LRRC4C: variants seen among roughly 807,000 people sequenced by gnomAD.
The protein encoded by LRRC4C is leucine rich repeat containing 4C.
LRRC4C carries 5 observed loss-of-function variants against 33.6 expected under a neutral mutation model. That is an observed-to-expected ratio of 0.15 (90% CI 0.08 to 0.31). The LOEUF is 0.31. Among genes scored for constraint, LRRC4C ranks in the 10% least tolerant of loss-of-function variants. The pLI is 1.00. For synonymous variants in LRRC4C, 329 were observed against 302.0 expected (o/e 1.09, Z -0.93); for missense variants, 560 against 796.7 (o/e 0.70, Z 3.58).
intron 3 of LRRC4C, among the ~76,000 whole-genome samples, chr11:40,347,920 T>C (rs1947208913): frequency 6.6e-6 from 1 of 152,186 alleles, no homozygotes; most frequent in African/African-American, 2.4e-5. Context: ...TTTGAAAACA[T>C]TTTAAAGGGC....
intron 5 of LRRC4C, among the ~76,000 whole-genome samples, chr11:40,179,536 C>T (rs1291139610): frequency 6.6e-6 from 1 of 152,218 alleles, no homozygotes; most frequent in East Asian, 1.9e-4. Context: ...AGTTTCTTGG[C>T]CTCCTTTGCT....
At chr11:41,199,964 C>T (rs954991607) in intron 1 of LRRC4C, among the ~76,000 whole-genome samples, 7 of 152,232 alleles carry the variant, frequency 4.6e-5, no homozygotes, top group Admixed American at 1.3e-4. Flanking sequence ...TGCTCAAGAT[C>T]ATACAGCTCG....
chr11:40,532,594 T>C (rs1401646826), intron 3 of LRRC4C, among the ~76,000 whole-genome samples: 1 of 151,778 alleles, frequency 6.6e-6, no homozygotes, highest in African/African-American at 2.4e-5. Context: ...GGATATCTAG[T>C]GTCATGTAAG....
intron 1 of LRRC4C, among the ~76,000 whole-genome samples, chr11:41,174,435 A>G (rs1044497691): frequency 6.6e-6 from 1 of 152,174 alleles, no homozygotes; most frequent in South Asian, 2.1e-4. Flanking sequence ...GAATGAATAT[A>G]TAATTTATAT....
At chr11:40,138,392 A>C (rs1354244645) in intron 6 of LRRC4C, among the ~76,000 whole-genome samples, 1 of 152,146 alleles carries the variant, frequency 6.6e-6, no homozygotes, top group Non-Finnish European at 1.5e-5. Context: ...GCTGAATGAG[A>C]TATTCTCTTG....
chr11:40,621,951 T>G (rs1043193571), intron 3 of LRRC4C, among the ~76,000 whole-genome samples: 1 of 151,782 alleles, frequency 6.6e-6, no homozygotes. Flanking sequence ...ACAACTGGGA[T>G]GGAGAGCTGG....
chr11:40,179,830 G>T (rs1860835087), intron 5 of LRRC4C, among the ~76,000 whole-genome samples: 1 of 152,224 alleles, frequency 6.6e-6, no homozygotes, highest in Non-Finnish European at 1.5e-5. Flanking sequence ...GAATGGAAAA[G>T]ACTACTTTGG....
intron 2 of LRRC4C, among the ~76,000 whole-genome samples, chr11:40,792,060 C>T (rs534409209): frequency 2.6e-5 from 4 of 151,994 alleles, no homozygotes; most frequent in African/African-American, 9.6e-5. Flanking sequence ...TTAGTTTGAA[C>T]TTTTTTAACT....
chr11:40,912,449 C>T (rs1273162312), intron 2 of LRRC4C, among the ~76,000 whole-genome samples: 17 of 152,102 alleles, frequency 1.1e-4, no homozygotes, highest in Admixed American at 1.3e-4. Flanking sequence ...CCAAACTAAG[C>T]TTCATAACTG....
intron 1 of LRRC4C, among the ~76,000 whole-genome samples, chr11:41,330,323 TTTTTG>T (rs200294686): frequency 0.012 from 1,887 of 152,284 alleles, 43 homozygotes; most frequent in African/African-American, 0.043. Context: ...GTTTTTTTCT[TTTTTG>T]TTTTGTTTTG....
intron 2 of LRRC4C, among the ~76,000 whole-genome samples, chr11:40,723,166 A>G (rs1387018880): frequency 1.3e-5 from 2 of 152,144 alleles, no homozygotes; most frequent in African/African-American, 4.8e-5. Flanking sequence ...GAGAGTAACC[A>G]ACTTGGAAAG....
At chr11:40,663,912 A>C (rs1268835705) in intron 2 of LRRC4C, among the ~76,000 whole-genome samples, 1 of 152,186 alleles carries the variant, frequency 6.6e-6, no homozygotes, top group Non-Finnish European at 1.5e-5. Flanking sequence ...AGGAAGAATA[A>C]TTATAAAGAC....
At chr11:41,192,137 A>G (rs1945976625) in intron 1 of LRRC4C, among the ~76,000 whole-genome samples, 1 of 152,180 alleles carries the variant, frequency 6.6e-6, no homozygotes, top group African/African-American at 2.4e-5. Context: ...AATCTAAAAT[A>G]GCACATACCT....
chr11:41,004,623 C>T (rs1043713875), intron 1 of LRRC4C, among the ~76,000 whole-genome samples: 1 of 152,144 alleles, frequency 6.6e-6, no homozygotes, highest in African/African-American at 2.4e-5. Flanking sequence ...AATTTCACAT[C>T]ACCATGACCT....
At chr11:40,498,314 A>T (rs1304614046) in intron 3 of LRRC4C, among the ~76,000 whole-genome samples, 1 of 152,170 alleles carries the variant, frequency 6.6e-6, no homozygotes, top group African/African-American at 2.4e-5. Flanking sequence ...GGTACCTTCC[A>T]ATATAGCACC....
chr11:40,673,105 TG>T (rs891805360), intron 2 of LRRC4C, among the ~76,000 whole-genome samples: 41 of 152,210 alleles, frequency 2.7e-4, no homozygotes, highest in African/African-American at 8.7e-4. Flanking sequence ...GAGTCATGCA[TG>T]TTTTTTTTGG....
At chr11:41,261,487 G>A (rs1565527600) in intron 1 of LRRC4C, among the ~76,000 whole-genome samples, 1 of 151,978 alleles carries the variant, frequency 6.6e-6, no homozygotes, top group Non-Finnish European at 1.5e-5. Flanking sequence ...GGTACTGAGT[G>A]GAGAAATTCC....
intron 2 of LRRC4C, among the ~76,000 whole-genome samples, chr11:40,926,924 T>A (rs560099250): frequency 7.9e-5 from 12 of 152,292 alleles, no homozygotes; most frequent in Admixed American, 6.5e-4. Flanking sequence ...CAGGGGAGGA[T>A]CATGAGTGTT....
At chr11:41,411,540 GA>G (rs1954490667) in intron 1 of LRRC4C, among the ~76,000 whole-genome samples, 1 of 152,070 alleles carries the variant, frequency 6.6e-6, no homozygotes, top group South Asian at 2.1e-4. Flanking sequence ...ATAAAAAAGA[GA>G]AAAATTGTAC....
Sources: allele counts gnomAD v4.1 joint callset (sites outside exome capture counted in the v4.1 genomes callset), GRCh38; gene constraint gnomAD v4.1.1; transcripts MANE v1.5; gene names NCBI Gene and HGNC (gene_info 2026-07-23, HGNC 2026-07-21).